Variants in CSMD2 observed in about 807,000 individuals in gnomAD.
CSMD2 encodes CUB and sushi domain-containing protein 2.
A neutral mutation model predicts 398.5 loss-of-function variants in CSMD2; 130 were observed. The observed-to-expected ratio is 0.33, with a 90% CI of 0.28 to 0.38. CSMD2 has a LOEUF of 0.38. Ranked by LOEUF, CSMD2 falls within the 10% of genes least tolerant of loss-of-function variation. The probability of loss-of-function intolerance (pLI) is 1.00; values close to 1 mark genes in which losing one functional copy is unlikely to be tolerated. For synonymous variants in CSMD2, 1,828 were observed against 1,908.5 expected, an observed-to-expected ratio of 0.96 and a Z score of 1.10; for missense variants, 3,829 against 4,764.9, an observed-to-expected ratio of 0.80 and a Z score of 5.78.
rs754541648 is a variant in CSMD2 at position 33,602,497 on chromosome 1, C to T, written c.6582G>A (p.Pro2194=). Residue 2194 remains proline, a synonymous_variant, in exon 43 of 71, where the codon CCG becomes CCA. Coordinates refer to ENST00000373381, the MANE Select transcript of CSMD2 (RefSeq NM_001281956.2). ...ITSSNGTVYS[P]GFPSPYSSSQ... Reference sequence around the variant, plus strand: ...AGCTGGAGTACGGGCTAGGGAACCCCGGGGAGTACACAGTGCCGTTGGAAG... The same window carrying T: ...AGCTGGAGTACGGGCTAGGGAACCCTGGGGAGTACACAGTGCCGTTGGAAG... The T allele has an allele frequency of 6.2e-6, 10 of 1,612,022 alleles. No individual in the cohort carries two copies. Among genetic ancestry groups the T allele is most frequent in the South Asian group, 3.3e-5 (3 of 90,810 alleles).
chr1:33,904,785 T>G (rs998784740), intron 5 of CSMD2, among the ~76,000 whole-genome samples: 15 of 152,136 alleles, frequency 9.9e-5, no homozygotes, highest in Admixed American at 7.2e-4. Context: ...TAGCTAGGAC[T>G]ACAGTCGCCC....
intron 5 of CSMD2, among the ~76,000 whole-genome samples, chr1:33,909,525 G>C (rs980465200): frequency 1.3e-5 from 2 of 152,028 alleles, no homozygotes; most frequent in Non-Finnish European, 2.9e-5. Context: ...CAGAGGCCTT[G>C]TCTTCTCCAC....
intron 3 of CSMD2, among the ~76,000 whole-genome samples, chr1:34,009,016 GAC>G (rs1647157537): frequency 6.6e-6 from 1 of 151,726 alleles, no homozygotes; most frequent in Non-Finnish European, 1.5e-5. Context: ...TCCACCCTCT[GAC>G]ACACACACAA....
chr1:34,148,119 G>A (rs1415907013), intron 1 of CSMD2, among the ~76,000 whole-genome samples: 2 of 152,172 alleles, frequency 1.3e-5, no homozygotes, highest in East Asian at 3.9e-4. Flanking sequence ...CACTGGGAGG[G>A]TCCAGATCCA....
intron 1 of CSMD2, among the ~76,000 whole-genome samples, chr1:34,119,210 A>G (rs931914320): frequency 6.6e-6 from 1 of 152,206 alleles, no homozygotes; most frequent in Non-Finnish European, 1.5e-5. Flanking sequence ...GGAAAACTGG[A>G]TATCTACATG....
At chr1:33,529,291 C>A (rs1009297486) in intron 64 of CSMD2, among the ~76,000 whole-genome samples, 1 of 152,216 alleles carries the variant, frequency 6.6e-6, no homozygotes, top group Non-Finnish European at 1.5e-5. Context: ...CAGGCATACA[C>A]CACCACTCCT....
intron 2 of CSMD2, 90 bp from the exon 3 acceptor site, chr1:34,032,796 A>C (rs1650624633): frequency 1.2e-6 from 1 of 844,572 alleles, no homozygotes; most frequent in African/African-American, 1.7e-5. Flanking sequence ...CTGGATACAC[A>C]GTGCTGATCT....
intron 2 of CSMD2, among the ~76,000 whole-genome samples, chr1:34,087,619 A>G (rs1658041561): frequency 1.1e-5 from 1 of 93,338 alleles, no homozygotes; most frequent in South Asian, 3.3e-4. Context: ...AAGTATAATA[A>G]TAATAATAAT....
At chr1:33,764,141 A>C (rs1650185926) in intron 13 of CSMD2, among the ~76,000 whole-genome samples, 1 of 152,046 alleles carries the variant, frequency 6.6e-6, no homozygotes. Context: ...CAATGATATG[A>C]CCCATACTGG....
At chr1:33,838,449 T>C (rs1660534025) in intron 6 of CSMD2, 1 of 152,168 alleles carries the variant, frequency 6.6e-6, no homozygotes, top group Non-Finnish European at 1.5e-5. Flanking sequence ...AATTGTTGGG[T>C]ATACATCCTG....
chr1:33,540,494 G>C, intron 60 of CSMD2, 31 bp downstream of exon 60: 1 of 1,612,096 alleles, frequency 6.2e-7, no homozygotes, highest in East Asian at 2.2e-5. Context: ...TATTGAAGAG[G>C]ATGCACCAAA....
chr1:33,640,560 C>A (rs1307175211), intron 29 of CSMD2, among the ~76,000 whole-genome samples: 5 of 152,178 alleles, frequency 3.3e-5, no homozygotes, highest in Admixed American at 2.0e-4. Flanking sequence ...CAACAGAGAC[C>A]ATCTGGAGTA....
At chr1:34,109,765 CA>C (rs1660863291) in intron 1 of CSMD2, among the ~76,000 whole-genome samples, 3 of 151,978 alleles carry the variant, frequency 2.0e-5, no homozygotes, top group Non-Finnish European at 2.9e-5. Context: ...ATGAGCCAGG[CA>C]CGGTGGCTCA....
intron 5 of CSMD2, chr1:33,861,418 T>A (rs77540364): frequency 6.6e-6 from 1 of 152,276 alleles, no homozygotes; most frequent in East Asian, 1.9e-4. Flanking sequence ...ACCAAGCCTA[T>A]CATATTTACT....
intron 1 of CSMD2, among the ~76,000 whole-genome samples, chr1:34,143,714 G>A (rs931222426): frequency 2.6e-5 from 4 of 152,166 alleles, no homozygotes; most frequent in Non-Finnish European, 4.4e-5. Flanking sequence ...GAAGGAAGGA[G>A]GGGAAAAGTC....
At chr1:33,979,055 T>G (rs936641645) in intron 3 of CSMD2, among the ~76,000 whole-genome samples, 2 of 152,132 alleles carry the variant, frequency 1.3e-5, no homozygotes, top group African/African-American at 4.8e-5. Flanking sequence ...ACATATACCT[T>G]TCTGGAAGCT....
chr1:33,612,682 G>T (rs1249025229), intron 40 of CSMD2, among the ~76,000 whole-genome samples: 60 of 132,142 alleles, frequency 4.5e-4, no homozygotes, highest in African/African-American at 1.6e-3. Flanking sequence ...TTTTGTGATG[G>T]TTTTTTTTTT....
intron 14 of CSMD2, 91 bp from the exon 15 acceptor site, chr1:33,739,425 C>T: frequency 8.0e-7 from 1 of 1,248,148 alleles, no homozygotes; most frequent in Non-Finnish European, 1.1e-6. Flanking sequence ...ATGGGAAACC[C>T]TAGAACTCCA....
At chr1:34,009,164 C>A (rs1261765925) in intron 3 of CSMD2, among the ~76,000 whole-genome samples, 3 of 152,116 alleles carry the variant, frequency 2.0e-5, no homozygotes, top group Non-Finnish European at 2.9e-5. Flanking sequence ...TTTTTTCCAG[C>A]AAGCTCCATT....
Sources: gnomAD v4.1 joint callset for allele counts (sites outside exome capture counted in the v4.1 genomes callset) on GRCh38, gnomAD v4.1.1 for gene constraint, MANE v1.5 for transcripts, NCBI Gene and HGNC (gene_info 2026-07-23, HGNC 2026-07-21) for gene names.